SYN3: variants seen among roughly 807,000 people sequenced by gnomAD.
The protein encoded by SYN3 is synapsin III.
Under a neutral mutation model 65.8 loss-of-function variants are expected in SYN3, and 35 were observed. That is an observed-to-expected ratio of 0.53 (90% CI 0.41 to 0.70). The LOEUF is 0.70. Ranked by LOEUF, SYN3 falls within the 30% of genes least tolerant of loss-of-function variation. The pLI is 0.00. For missense variants in SYN3, 680 were observed against 749.0 expected (o/e 0.91, Z 1.08); for synonymous variants, 270 against 292.9 (o/e 0.92, Z 0.80).
At chr22:32,917,537 C>A (rs1468031414) in intron 4 of SYN3, among the ~76,000 whole-genome samples, 1 of 152,154 alleles carries the variant, frequency 6.6e-6, no homozygotes, top group Non-Finnish European at 1.5e-5. Context: ...CAATTTCTCC[C>A]ACAGTGGCAT....
At chr22:32,728,852 G>A (rs1228508714) in intron 6 of SYN3, among the ~76,000 whole-genome samples, 13 of 152,174 alleles carry the variant, frequency 8.5e-5, no homozygotes, top group African/African-American at 2.4e-4. Context: ...CTGGGGGTGC[G>A]GTGGGTAGTC....
intron 6 of SYN3, among the ~76,000 whole-genome samples, chr22:32,598,974 G>GAT (rs1396901394): frequency 6.6e-6 from 1 of 152,020 alleles, no homozygotes; most frequent in Non-Finnish European, 1.5e-5. Flanking sequence ...CTTATTGATT[G>GAT]ATATATATAT....
chr22:32,565,903 A>G (rs1446006083), intron 7 of SYN3, among the ~76,000 whole-genome samples: 1 of 151,900 alleles, frequency 6.6e-6, no homozygotes, highest in Non-Finnish European at 1.5e-5. Flanking sequence ...TAGTGGAGAT[A>G]GCGTTTCATC....
intron 6 of SYN3, among the ~76,000 whole-genome samples, chr22:32,730,719 C>T (rs1244107202): frequency 6.6e-6 from 1 of 152,192 alleles, no homozygotes; most frequent in Admixed American, 6.5e-5. Context: ...TCTTGCAATG[C>T]TAAATTTGTG....
intron 4 of SYN3, among the ~76,000 whole-genome samples, chr22:32,930,160 C>T (rs2050586687): frequency 6.6e-6 from 1 of 152,048 alleles, no homozygotes. Context: ...GTGTCCCCAC[C>T]CAAATCTTAT....
At chr22:32,609,046 C>T (rs2059406195) in intron 6 of SYN3, among the ~76,000 whole-genome samples, 1 of 151,780 alleles carries the variant, frequency 6.6e-6, no homozygotes, top group Non-Finnish European at 1.5e-5. Context: ...TAAATTGGGC[C>T]AGGCCTGGTG....
At chr22:32,662,457 T>C (rs975598146) in intron 6 of SYN3, among the ~76,000 whole-genome samples, 1 of 152,226 alleles carries the variant, frequency 6.6e-6, no homozygotes, top group Non-Finnish European at 1.5e-5. Context: ...ACTTTGATTT[T>C]ATTACCAAGT....
At chr22:32,748,703 GA>G (rs1161253784) in intron 6 of SYN3, among the ~76,000 whole-genome samples, 2 of 152,208 alleles carry the variant, frequency 1.3e-5, no homozygotes, top group Admixed American at 6.5e-5. Context: ...CAGTTGTGGG[GA>G]GATGGACTCA....
At chr22:32,760,079 C>G (rs1388919401) in intron 6 of SYN3, among the ~76,000 whole-genome samples, 15 of 110,822 alleles carry the variant, frequency 1.4e-4, no homozygotes, top group Non-Finnish European at 1.5e-4. Flanking sequence ...CCACCCACCA[C>G]CAGCCAGCAC....
intron 2 of SYN3, among the ~76,000 whole-genome samples, chr22:32,992,551 G>T (rs568848074): frequency 6.6e-6 from 1 of 152,094 alleles, no homozygotes. Flanking sequence ...GGTGGCTCAC[G>T]CCTGTAATCC....
intron 6 of SYN3, among the ~76,000 whole-genome samples, chr22:32,680,189 T>TCTCTCA (rs1491204060): frequency 1.3e-5 from 2 of 152,200 alleles, no homozygotes; most frequent in Non-Finnish European, 1.5e-5. Flanking sequence ...CTTGGATAAA[T>TCTCTCA]CTCTCATTCT....
intron 6 of SYN3, among the ~76,000 whole-genome samples, chr22:32,836,776 T>C (rs112792733): frequency 1.3e-5 from 2 of 152,254 alleles, no homozygotes; most frequent in African/African-American, 4.8e-5. Flanking sequence ...ATGAAGCTTG[T>C]GGAACTTAAA....
chr22:32,830,649 T>C (rs1281473421), intron 6 of SYN3, among the ~76,000 whole-genome samples: 1 of 152,036 alleles, frequency 6.6e-6, no homozygotes, highest in African/African-American at 2.4e-5. Flanking sequence ...ACCAGAGGGA[T>C]CCACAGGGCC....
intron 3 of SYN3, among the ~76,000 whole-genome samples, chr22:32,968,621 A>G (rs1350041339): frequency 6.6e-6 from 1 of 152,130 alleles, no homozygotes; most frequent in Non-Finnish European, 1.5e-5. Context: ...TTTGCCCTGT[A>G]CGTGACAAGC....
At chr22:32,815,098 A>G (rs887107842) in intron 6 of SYN3, among the ~76,000 whole-genome samples, 3 of 152,354 alleles carry the variant, frequency 2.0e-5, no homozygotes, top group East Asian at 3.9e-4. Context: ...AGTGGCCGCC[A>G]TGTTAATACT....
At chr22:32,814,300 GGAGA>G (rs141770370) in intron 6 of SYN3, among the ~76,000 whole-genome samples, 17 of 81,874 alleles carry the variant, frequency 2.1e-4, no homozygotes, top group East Asian at 7.6e-4. Flanking sequence ...AAGGAAGGAA[GGAGA>G]GAGAGAGAGA....
chr22:32,551,948 G>C (rs1270404986), intron 7 of SYN3, among the ~76,000 whole-genome samples: 1 of 152,182 alleles, frequency 6.6e-6, no homozygotes, highest in East Asian at 1.9e-4. Flanking sequence ...CCACCTTGTA[G>C]ATATTCTAAA....
chr22:32,606,897 T>C (rs2059380236), intron 6 of SYN3, among the ~76,000 whole-genome samples: 1 of 152,066 alleles, frequency 6.6e-6, no homozygotes, highest in Non-Finnish European at 1.5e-5. Context: ...TTAGGGTACA[T>C]GTGCACAACG....
intron 6 of SYN3, among the ~76,000 whole-genome samples, chr22:32,647,218 G>T (rs532903599): frequency 6.6e-5 from 10 of 152,230 alleles, no homozygotes; most frequent in African/African-American, 2.4e-4. Flanking sequence ...ATCCAAGGGG[G>T]TCAGCAGAGG....
Sources: gnomAD v4.1 joint callset for allele counts (sites outside exome capture counted in the v4.1 genomes callset) on GRCh38, gnomAD v4.1.1 for gene constraint, MANE v1.5 for transcripts, NCBI Gene and HGNC (gene_info 2026-07-23, HGNC 2026-07-21) for gene names.